Variants in PDCD1LG2 observed in about 807,000 individuals in gnomAD.
PDCD1LG2 encodes programmed cell death 1 ligand 2, also known as B7 dendritic cell molecule.
PDCD1LG2 carries 32 observed loss-of-function variants against 28.2 expected under a neutral mutation model. That is an observed-to-expected ratio of 1.13 (90% CI 0.86 to 1.52). PDCD1LG2 has a LOEUF of 1.52. PDCD1LG2 is among the 40% of genes most tolerant of loss of function. PDCD1LG2 has a pLI of 0.00. For synonymous variants in PDCD1LG2, 116 were observed against 120.2 expected, an observed-to-expected ratio of 0.97 and a Z score of 0.23; for missense variants, 385 against 323.8, an observed-to-expected ratio of 1.19 and a Z score of -1.45.
At chr9:5,511,424 C>A (rs1404735339) in intron 1 of PDCD1LG2, among the ~76,000 whole-genome samples, 1 of 152,164 alleles carries the variant, frequency 6.6e-6, no homozygotes, top group African/African-American at 2.4e-5. Context: ...TGATTGCTCA[C>A]CGCCTGGATG....
intron 3 of PDCD1LG2, among the ~76,000 whole-genome samples, chr9:5,547,604 G>A (rs994522911): frequency 1.3e-5 from 2 of 151,804 alleles, no homozygotes; most frequent in African/African-American, 4.8e-5. Flanking sequence ...ATATTTATGG[G>A]GTACAATATG....
intron 3 of PDCD1LG2, among the ~76,000 whole-genome samples, chr9:5,540,735 A>C (rs1023604711): frequency 6.6e-6 from 1 of 151,972 alleles, no homozygotes; most frequent in Non-Finnish European, 1.5e-5. Context: ...ATTGTCAACA[A>C]AAAAAAATCC....
Position 5,549,063 on chromosome 9 carries a change from T to C in PDCD1LG2, c.362-272T>C, listed in dbSNP as rs114288381. Among the ~76,000 whole-genome samples the C allele has an allele frequency of 8.3e-3, 1,270 of 152,302 alleles. 15 individuals are homozygous for C. Among genetic ancestry groups the C allele is most frequent in the African/African-American group, 0.029 (1,215 of 41,564 alleles). ...CTACCAGTTATAAGCTCTATGACTA[T>C]GAACAAAACACTCAACTTCTCTATC... On this transcript the variant is annotated intron_variant, in intron 3 of 6. Transcript: ENST00000397747.
chr9:5,526,100 C>T (rs932492332), intron 2 of PDCD1LG2, among the ~76,000 whole-genome samples: 3 of 151,450 alleles, frequency 2.0e-5, no homozygotes, highest in Non-Finnish European at 2.9e-5. Flanking sequence ...ATTCAGGACG[C>T]CAGTTACCTC....
At chr9:5,518,651 T>C (rs1820214278) in intron 1 of PDCD1LG2, among the ~76,000 whole-genome samples, 1 of 152,220 alleles carries the variant, frequency 6.6e-6, no homozygotes, top group Non-Finnish European at 1.5e-5. Context: ...TCTCCCTTTC[T>C]AAAATAAAAA....
chr9:5,554,593 T>C (rs951186345), intron 4 of PDCD1LG2, among the ~76,000 whole-genome samples: 1 of 152,180 alleles, frequency 6.6e-6, no homozygotes, highest in Non-Finnish European at 1.5e-5. Context: ...TGACTGAACA[T>C]TCCAAATTTC....
At chr9:5,568,664 A>G (rs1169096721) in intron 6 of PDCD1LG2, among the ~76,000 whole-genome samples, 1 of 152,156 alleles carries the variant, frequency 6.6e-6, no homozygotes, top group African/African-American at 2.4e-5. Flanking sequence ...CCTTACCATC[A>G]ATCCTCAGAA....
chr9:5,530,637 T>C (rs899237619), intron 2 of PDCD1LG2, among the ~76,000 whole-genome samples: 2 of 152,206 alleles, frequency 1.3e-5, no homozygotes, highest in African/African-American at 4.8e-5. Context: ...CTTGGGCAAG[T>C]TGCATCACTT....
At chr9:5,534,272 A>G (rs1161023954) in intron 2 of PDCD1LG2, among the ~76,000 whole-genome samples, 2 of 152,218 alleles carry the variant, frequency 1.3e-5, no homozygotes, top group African/African-American at 2.4e-5. Flanking sequence ...ATTAATCAAT[A>G]TGGATTGAGG....
At chr9:5,563,232 C>A in intron 6 of PDCD1LG2, 21 bp downstream of exon 6, 1 of 1,590,256 alleles carries the variant, frequency 6.3e-7, no homozygotes, top group Non-Finnish European at 8.6e-7. Context: ...ATGATTTTTA[C>A]TTTTCTTTCT....
intron 3 of PDCD1LG2, among the ~76,000 whole-genome samples, chr9:5,536,851 T>A (rs1820589719): frequency 2.0e-5 from 3 of 152,338 alleles, no homozygotes; most frequent in Non-Finnish European, 4.4e-5. Flanking sequence ...AAATACTCGT[T>A]CCCAAAATTG....
chr9:5,527,194 T>G (rs1244211703), intron 2 of PDCD1LG2, among the ~76,000 whole-genome samples: 5 of 152,200 alleles, frequency 3.3e-5, no homozygotes, highest in Non-Finnish European at 7.3e-5. Flanking sequence ...CCATAACATT[T>G]ATTCTTTTTT....
At chr9:5,558,028 G>A (rs1816481733) in intron 5 of PDCD1LG2, among the ~76,000 whole-genome samples, 1 of 152,190 alleles carries the variant, frequency 6.6e-6, no homozygotes, top group Admixed American at 6.5e-5. Flanking sequence ...GCTTTCATCA[G>A]CCTCATGAGA....
chr9:5,525,973 G>A (rs1040398803), intron 2 of PDCD1LG2, among the ~76,000 whole-genome samples: 3 of 151,384 alleles, frequency 2.0e-5, no homozygotes, highest in Non-Finnish European at 4.4e-5. Flanking sequence ...CTTGAACCAG[G>A]GAGTCGGAGG....
At chr9:5,511,666 C>A (rs148864646) in intron 1 of PDCD1LG2, among the ~76,000 whole-genome samples, 2 of 152,316 alleles carry the variant, frequency 1.3e-5, no homozygotes, top group East Asian at 3.9e-4. Context: ...TGGATGTCCT[C>A]CAAGCTCCTT....
At chr9:5,563,033 C>A (rs966603222) in intron 5 of PDCD1LG2, 129 bp from the exon 6 acceptor site, 5 of 754,088 alleles carry the variant, frequency 6.6e-6, no homozygotes, top group Non-Finnish European at 1.1e-5. Flanking sequence ...AGTCCCAGGC[C>A]ACAGTGAACA....
chr9:5,524,470 T>C (rs1820334332), intron 2 of PDCD1LG2, among the ~76,000 whole-genome samples: 1 of 152,238 alleles, frequency 6.6e-6, no homozygotes, highest in Non-Finnish European at 1.5e-5. Flanking sequence ...TCTTCACGAA[T>C]TTGGAATTCT....
At chr9:5,554,800 G>A (rs532295066) in intron 4 of PDCD1LG2, among the ~76,000 whole-genome samples, 1 of 152,216 alleles carries the variant, frequency 6.6e-6, no homozygotes, top group African/African-American at 2.4e-5. Context: ...GTGGTTGAGA[G>A]CATGGGCTCT....
chr9:5,540,160 T>G (rs772823060), intron 3 of PDCD1LG2, among the ~76,000 whole-genome samples: 1 of 152,162 alleles, frequency 6.6e-6, no homozygotes, highest in Non-Finnish European at 1.5e-5. Flanking sequence ...GAAATCAAGA[T>G]AGAAATTTAA....
Sources: allele counts gnomAD v4.1 joint callset (sites outside exome capture counted in the v4.1 genomes callset), GRCh38; gene constraint gnomAD v4.1.1; transcripts MANE v1.5; gene names NCBI Gene and HGNC (gene_info 2026-07-23, HGNC 2026-07-21).